RAB3C: variants seen among roughly 807,000 people sequenced by gnomAD.
The protein encoded by RAB3C is ras-related protein Rab-3C.
RAB3C carries 17 observed loss-of-function variants against 26.4 expected under a neutral mutation model. That is an observed-to-expected ratio of 0.64 (90% CI 0.44 to 0.97). The LOEUF (loss-of-function observed/expected upper bound fraction) is 0.97. Among genes scored for constraint, RAB3C ranks in the 50% least tolerant of loss-of-function variants. The pLI, the probability that RAB3C is intolerant of heterozygous loss-of-function variation, is 0.00. For missense variants in RAB3C, 242 were observed against 281.9 expected, an observed-to-expected ratio of 0.86 and a Z score of 1.01; for synonymous variants, 91 against 95.9, an observed-to-expected ratio of 0.95 and a Z score of 0.30.
chr5:58,606,128 G>T (rs35575599), intron 1 of RAB3C, among the ~76,000 whole-genome samples: 21,525 of 152,138 alleles, frequency 0.14, 1,668 homozygotes, highest in Middle Eastern at 0.19. Flanking sequence ...AGGGGTCAGG[G>T]ATTTCCCTTT....
intron 2 of RAB3C, among the ~76,000 whole-genome samples, chr5:58,669,902 A>G (rs964522740): frequency 1.3e-4 from 20 of 152,278 alleles, no homozygotes; most frequent in African/African-American, 4.8e-4. Context: ...TGCTTTTTCC[A>G]TGGATGGATT....
chr5:58,721,028 TC>T (rs2111912393), intron 2 of RAB3C, among the ~76,000 whole-genome samples: 1 of 151,948 alleles, frequency 6.6e-6, no homozygotes, highest in South Asian at 2.1e-4. Flanking sequence ...AAGAAAGATT[TC>T]ATTAGAAAAA....
At chr5:58,826,109 G>A (rs1475176659) in intron 4 of RAB3C, among the ~76,000 whole-genome samples, 3 of 152,104 alleles carry the variant, frequency 2.0e-5, no homozygotes, top group Non-Finnish European at 2.9e-5. Context: ...GAAAAACATT[G>A]CCGGAAGGAG....
intron 3 of RAB3C, among the ~76,000 whole-genome samples, chr5:58,746,026 C>G (rs1199323867): frequency 1.3e-5 from 2 of 152,184 alleles, no homozygotes; most frequent in African/African-American, 2.4e-5. Context: ...TAGCTGACTG[C>G]TTTGATACTT....
intron 2 of RAB3C, among the ~76,000 whole-genome samples, chr5:58,629,036 A>G (rs1471982932): frequency 1.3e-5 from 2 of 150,632 alleles, no homozygotes; most frequent in Non-Finnish European, 3.0e-5. Context: ...GGAAAAAAAA[A>G]AAAAAAAAAA....
intron 3 of RAB3C, among the ~76,000 whole-genome samples, chr5:58,741,161 C>T (rs1205411251): frequency 3.9e-5 from 6 of 152,184 alleles, no homozygotes; most frequent in African/African-American, 1.2e-4. Flanking sequence ...TGTTCCAGAG[C>T]AGAAGCTTCT....
At chr5:58,731,056 C>T (rs1366543339) in intron 3 of RAB3C, among the ~76,000 whole-genome samples, 2 of 152,070 alleles carry the variant, frequency 1.3e-5, no homozygotes, top group Non-Finnish European at 2.9e-5. Flanking sequence ...CCCCATGATT[C>T]AGTTACCTCC....
intron 2 of RAB3C, among the ~76,000 whole-genome samples, chr5:58,709,312 G>T (rs1433427998): frequency 6.6e-6 from 1 of 152,154 alleles, no homozygotes; most frequent in East Asian, 1.9e-4. Context: ...CAGTGTTAAA[G>T]TGGCCCTGGG....
intron 1 of RAB3C, among the ~76,000 whole-genome samples, chr5:58,593,985 G>T (rs1746191114): frequency 6.6e-6 from 1 of 152,120 alleles, no homozygotes; most frequent in Non-Finnish European, 1.5e-5. Context: ...TGGAATCATA[G>T]CCACTTAGCT....
chr5:58,776,882 A>G (rs1742154380), intron 3 of RAB3C, among the ~76,000 whole-genome samples: 2 of 152,196 alleles, frequency 1.3e-5, no homozygotes, highest in Admixed American at 1.3e-4. Context: ...GAATAGGGCC[A>G]GAAGCAGTAT....
chr5:58,695,398 C>T (rs1289077286), intron 2 of RAB3C, among the ~76,000 whole-genome samples: 1 of 152,116 alleles, frequency 6.6e-6, no homozygotes, highest in Non-Finnish European at 1.5e-5. Flanking sequence ...ATTGTTTTGG[C>T]AATGCAGGCT....
At chr5:58,820,584 T>C (rs1743315136) in intron 3 of RAB3C, among the ~76,000 whole-genome samples, 1 of 152,212 alleles carries the variant, frequency 6.6e-6, no homozygotes, top group African/African-American at 2.4e-5. Flanking sequence ...ACAAATGCTC[T>C]AGACCACAAT....
chr5:58,778,017 C>T (rs906494349), intron 3 of RAB3C, among the ~76,000 whole-genome samples: 2 of 152,044 alleles, frequency 1.3e-5, no homozygotes, highest in Non-Finnish European at 2.9e-5. Context: ...CTGTTCAAAG[C>T]TTGTACATTG....
chr5:58,843,540 A>G (rs1743920664), intron 4 of RAB3C, among the ~76,000 whole-genome samples: 1 of 152,248 alleles, frequency 6.6e-6, no homozygotes, highest in Non-Finnish European at 1.5e-5. Flanking sequence ...CACTCTGCCA[A>G]TCATAAATGA....
chr5:58,639,939 C>A (rs1198875133), intron 2 of RAB3C, among the ~76,000 whole-genome samples: 6 of 152,170 alleles, frequency 3.9e-5, no homozygotes, highest in Non-Finnish European at 8.8e-5. Context: ...GTTTCATTGT[C>A]ATGAATTCCT....
intron 3 of RAB3C, among the ~76,000 whole-genome samples, chr5:58,744,472 C>T (rs1579894256): frequency 6.6e-6 from 1 of 152,188 alleles, no homozygotes; most frequent in Admixed American, 6.5e-5. Flanking sequence ...TATGACATCT[C>T]CAGCTAATTC....
At chr5:58,649,799 A>T (rs533964502) in intron 2 of RAB3C, among the ~76,000 whole-genome samples, 51 of 152,230 alleles carry the variant, frequency 3.4e-4, no homozygotes, top group Admixed American at 3.1e-3. Flanking sequence ...GAAACTCTGA[A>T]CTCTGTAGCC....
intron 3 of RAB3C, among the ~76,000 whole-genome samples, chr5:58,810,364 G>GCTCT (rs143427018): frequency 0.014 from 1,439 of 103,510 alleles, 11 homozygotes; most frequent in African/African-American, 0.017. Context: ...TACTCTGTGT[G>GCTCT]CTCTCTCTCT....
chr5:58,825,537 T>C (rs1263086158), intron 4 of RAB3C, among the ~76,000 whole-genome samples: 1 of 152,156 alleles, frequency 6.6e-6, no homozygotes, highest in Non-Finnish European at 1.5e-5. Flanking sequence ...CAAGTTTCCA[T>C]TGGAGGAGGA....
Sources: allele counts gnomAD v4.1 joint callset (sites outside exome capture counted in the v4.1 genomes callset), GRCh38; gene constraint gnomAD v4.1.1; transcripts MANE v1.5; gene names NCBI Gene and HGNC (gene_info 2026-07-23, HGNC 2026-07-21).